Variants in SEMA3E observed in about 807,000 individuals in gnomAD.
SEMA3E encodes the protein semaphorin 3E.
A neutral mutation model predicts 93.6 loss-of-function variants in SEMA3E; 49 were observed. That is an observed-to-expected ratio of 0.52 (90% CI 0.42 to 0.66). The LOEUF is 0.66. SEMA3E is among the 30% of genes least tolerant of loss of function. SEMA3E has a pLI of 0.00. For synonymous variants in SEMA3E, 363 were observed against 330.7 expected, an observed-to-expected ratio of 1.10 and a Z score of -1.06; for missense variants, 906 against 964.8, an observed-to-expected ratio of 0.94 and a Z score of 0.81.
chr7:83,451,804 A>G (rs1789364777), intron 4 of SEMA3E, among the ~76,000 whole-genome samples: 1 of 152,208 alleles, frequency 6.6e-6, no homozygotes, highest in Non-Finnish European at 1.5e-5. Context: ...TTGCAAGAAA[A>G]CAAACAAGAA....
chr7:83,392,394 T>C (rs1028012207), intron 14 of SEMA3E, among the ~76,000 whole-genome samples, 161 bp downstream of exon 14: 2 of 151,134 alleles, frequency 1.3e-5, no homozygotes, highest in African/African-American at 2.4e-5. Flanking sequence ...GACTCAAACC[T>C]GGGTGAAAAA....
intron 1 of SEMA3E, among the ~76,000 whole-genome samples, chr7:83,499,608 T>C (rs1790556842): frequency 6.6e-6 from 1 of 152,202 alleles, no homozygotes; most frequent in African/African-American, 2.4e-5. Flanking sequence ...AGGTCATGGC[T>C]GAGAGATGAA....
At chr7:83,617,207 T>G (rs1793388466) in intron 1 of SEMA3E, among the ~76,000 whole-genome samples, 1 of 151,656 alleles carries the variant, frequency 6.6e-6, no homozygotes, top group Admixed American at 6.6e-5. Context: ...TTTAATGTTT[T>G]ATGTTCCTAT....
intron 1 of SEMA3E, among the ~76,000 whole-genome samples, chr7:83,590,010 T>C (rs922330469): frequency 6.6e-6 from 1 of 152,198 alleles, no homozygotes; most frequent in Non-Finnish European, 1.5e-5. Context: ...TCTGAAATTA[T>C]ATGCTTTGTT....
intron 1 of SEMA3E, among the ~76,000 whole-genome samples, chr7:83,583,462 A>G (rs753528892): frequency 6.6e-6 from 1 of 152,122 alleles, no homozygotes; most frequent in Non-Finnish European, 1.5e-5. Context: ...CCTGTGCAAG[A>G]GCAAACATAG....
At chr7:83,593,301 TGTGTGTGTGTGTGTG>T (rs1792797396) in intron 1 of SEMA3E, among the ~76,000 whole-genome samples, 1 of 42,782 alleles carries the variant, frequency 2.3e-5, no homozygotes, top group African/African-American at 1.3e-4. Context: ...TGTGTGTGTG[TGTGTGTGTGTGTGTG>T]TGTGTGTGTG....
intron 4 of SEMA3E, among the ~76,000 whole-genome samples, chr7:83,420,238 G>A (rs1031142082): frequency 6.6e-6 from 1 of 151,946 alleles, no homozygotes; most frequent in Non-Finnish European, 1.5e-5. Flanking sequence ...TCTAAGCAAG[G>A]AGGTGAAAAA....
chr7:83,443,186 T>C lies in SEMA3E; in HGVS notation c.456+23296A>G, dbSNP rs571320900. On this transcript the variant is annotated intron_variant, in intron 4 of 16. Transcript: ENST00000643230. Reference sequence around the variant, plus strand: ...GAAAGAGACAGGGTAGTGGAGTACCTTTGTACAGGACCTTTCTGACATGGT... The same window carrying C: ...GAAAGAGACAGGGTAGTGGAGTACCCTTGTACAGGACCTTTCTGACATGGT... Among the ~76,000 whole-genome samples, 9 of 152,288 alleles carry C rather than the reference T, an allele frequency of 5.9e-5. No homozygotes were observed. In the East Asian group the frequency reaches 1.5e-3, roughly 26 times the overall value.
At position 83,545,876 on chromosome 7, in the gene SEMA3E, TTA is replaced by T. The variant is rs1791640553; in HGVS notation, c.116-55604_116-55603del. ...ACGGATATCTATATAACATTATATA[TTA>T]TATATCATATATGATAAAAATATTA... is the stretch of plus-strand genomic sequence containing the variant. On this transcript the variant is annotated intron_variant, in intron 1 of 16. Coordinates refer to ENST00000643230, the MANE Select transcript of SEMA3E (RefSeq NM_012431.3). Among the ~76,000 whole-genome samples the T allele has an allele frequency of 2.2e-5, 3 of 137,788 alleles. No homozygotes were observed. In the South Asian group the frequency reaches 6.8e-4, roughly 31 times the overall value. 90.4% of individuals were successfully genotyped at this position (137,788 alleles called of 152,430 possible).
chr7:83,458,091 A>T (rs953214239), intron 4 of SEMA3E, among the ~76,000 whole-genome samples: 1 of 151,506 alleles, frequency 6.6e-6, no homozygotes, highest in Non-Finnish European at 1.5e-5. Context: ...TTAGATAATT[A>T]TGTGGGATAT....
rs374893257 is a variant in SEMA3E, at chr7:83,638,091, T to C, written c.115+10337A>G. ...ATCCATTGATTTTACCCCAAAAGAATTTAAGGGAAAAAACTTTAGAAAGCC... is the reference window on the plus strand; with the variant it reads ...ATCCATTGATTTTACCCCAAAAGAACTTAAGGGAAAAAACTTTAGAAAGCC... On this transcript the variant is annotated intron_variant, in intron 1 of 16. Coordinates refer to ENST00000643230, the MANE Select transcript of SEMA3E (RefSeq NM_012431.3). Among the ~76,000 whole-genome samples, 101 of 152,300 alleles carry C rather than the reference T, an allele frequency of 6.6e-4. 4 individuals carry two copies. The East Asian group carries it at 0.015, about 22-fold the overall frequency.
intron 1 of SEMA3E, among the ~76,000 whole-genome samples, chr7:83,526,365 T>A (rs1791159216): frequency 6.6e-6 from 1 of 152,188 alleles, no homozygotes; most frequent in Non-Finnish European, 1.5e-5. Flanking sequence ...AGATACTCTG[T>A]TCTACCTACT....
intron 13 of SEMA3E, among the ~76,000 whole-genome samples, chr7:83,393,237 T>C (rs1165127319): frequency 2.0e-5 from 3 of 152,046 alleles, no homozygotes; most frequent in South Asian, 2.1e-4. Context: ...TAAAGATCTA[T>C]AGAAACGGCT....
chr7:83,593,452 ATAAT>A (rs1792802952), intron 1 of SEMA3E, among the ~76,000 whole-genome samples: 1 of 152,034 alleles, frequency 6.6e-6, no homozygotes, highest in Admixed American at 6.6e-5. Flanking sequence ...TTAACAAAAA[ATAAT>A]TATAGCTACA....
At chr7:83,400,444 T>C (rs1264412934) in intron 10 of SEMA3E, among the ~76,000 whole-genome samples, 194 bp from the exon 11 acceptor site, 2 of 152,100 alleles carry the variant, frequency 1.3e-5, no homozygotes, top group African/African-American at 4.8e-5. Flanking sequence ...TCCAGGTTTG[T>C]TATATAGGTA....
chr7:83,593,937 A>G (rs1208557500), intron 1 of SEMA3E, among the ~76,000 whole-genome samples: 1 of 152,152 alleles, frequency 6.6e-6, no homozygotes, highest in African/African-American at 2.4e-5. Flanking sequence ...TTACCTTCAT[A>G]TAATAATTGT....
At chr7:83,596,108 T>A (rs1479622697) in intron 1 of SEMA3E, among the ~76,000 whole-genome samples, 3 of 152,108 alleles carry the variant, frequency 2.0e-5, no homozygotes, top group Non-Finnish European at 4.4e-5. Flanking sequence ...GTTACTTATT[T>A]ATATTAGTAT....
chr7:83,413,781 C>A (rs1473328374), intron 5 of SEMA3E, among the ~76,000 whole-genome samples: 1 of 151,952 alleles, frequency 6.6e-6, no homozygotes, highest in Non-Finnish European at 1.5e-5. Flanking sequence ...ATAAAAATAT[C>A]TTTTGAATCT....
intron 4 of SEMA3E, among the ~76,000 whole-genome samples, chr7:83,442,584 T>C (rs1789137340): frequency 6.6e-6 from 1 of 150,934 alleles, no homozygotes. Context: ...GTTTACTTGC[T>C]TGTTATTTTT....
Sources: allele counts gnomAD v4.1 joint callset (sites outside exome capture counted in the v4.1 genomes callset), GRCh38; gene constraint gnomAD v4.1.1; transcripts MANE v1.5; gene names NCBI Gene and HGNC (gene_info 2026-07-23, HGNC 2026-07-21).